SCAMP1: variants seen among roughly 807,000 people sequenced by gnomAD.
SCAMP1 encodes the protein secretory carrier-associated membrane protein 1.
In SCAMP1, 15 loss-of-function variants were observed where a neutral mutation model predicts 41.8. That is an observed-to-expected ratio of 0.36 (90% CI 0.24 to 0.55). SCAMP1 has a LOEUF of 0.55. Ranked by LOEUF, SCAMP1 falls within the 20% of genes least tolerant of loss-of-function variation. The pLI is 0.86. For synonymous variants in SCAMP1, 135 were observed against 136.8 expected, an observed-to-expected ratio of 0.99 and a Z score of 0.09; for missense variants, 341 against 412.6, an observed-to-expected ratio of 0.83 and a Z score of 1.50.
chr5:78,453,140 G>C (rs1753285782), intron 7 of SCAMP1, among the ~76,000 whole-genome samples: 1 of 151,154 alleles, frequency 6.6e-6, no homozygotes, highest in South Asian at 2.1e-4. Context: ...TAGGTTGCCT[G>C]TTCACTGTGA....
intron 6 of SCAMP1, among the ~76,000 whole-genome samples, chr5:78,427,092 G>C (rs1752487576): frequency 6.6e-6 from 1 of 152,166 alleles, no homozygotes; most frequent in African/African-American, 2.4e-5. Flanking sequence ...AAAGAAAAGA[G>C]ATTTATTTGG....
rs762952835 is a variant in SCAMP1 at position 78,459,339 on chromosome 5, A to G, written c.829A>G (p.Ile277Val). ...IAALFTASAV[I>V]SLVMFKKVHG... is the part of the protein sequence containing the mutation. ...AGCACTTTTCACAGCATCAGCAGTC[A>G]TCTCACTAGTTATGTTCAAAAAAGT... Residue 277 changes from isoleucine (I) to valine (V), a missense_variant, in exon 8 of 9, where the codon ATC becomes GTC. Coordinates refer to ENST00000621999, the MANE Select transcript of SCAMP1 (RefSeq NM_004866.6). 5 of 1,568,388 alleles carry G rather than the reference A, an allele frequency of 3.2e-6. No individual in the cohort carries two copies. The highest frequency in any genetic ancestry group is 2.2e-5 in the East Asian group (1 of 44,552).
At chr5:78,447,354 T>G (rs945628376) in intron 6 of SCAMP1, among the ~76,000 whole-genome samples, 1 of 118,096 alleles carries the variant, frequency 8.5e-6, no homozygotes, top group Non-Finnish European at 2.0e-5. Flanking sequence ...CCACCTAATT[T>G]GAAGACTTAC....
At chr5:78,418,752 CT>C (rs1449006905) in intron 4 of SCAMP1, 22 bp from the exon 5 acceptor site, 1 of 1,407,078 alleles carries the variant, frequency 7.1e-7, no homozygotes, top group East Asian at 2.5e-5. Context: ...ATAACCTTTT[CT>C]TTTTCTAAAA....
intron 6 of SCAMP1, among the ~76,000 whole-genome samples, chr5:78,423,733 T>C (rs1752397574): frequency 6.6e-6 from 1 of 152,190 alleles, no homozygotes; most frequent in Non-Finnish European, 1.5e-5. Context: ...ACATTTTTAC[T>C]TGTGGCATTA....
At position 78,469,890 on chromosome 5, in the gene SCAMP1, T is replaced by TAAAAAAAAA. The variant is rs141989832; in HGVS notation, c.853-5600_853-5592dup. Among the ~76,000 whole-genome samples, 12 of 15,022 alleles carry TAAAAAAAAA rather than the reference T, an allele frequency of 8.0e-4. 3 individuals carry two copies. The highest frequency in any genetic ancestry group is 0.056 in the Middle Eastern group (1 of 18). 9.9% of individuals were successfully genotyped at this position (15,022 alleles called of 152,430 possible). A position where few individuals can be genotyped will look rare whatever the true frequency, so the allele number is the denominator to read the frequency against. ...TACCCTCCAACCCCTTACAAGACAT[T>TAAAAAAAAA]AAAAAAAAAAAAAAAAAAAAAACAA... is the stretch of plus-strand genomic sequence containing the variant. On this transcript the variant is annotated intron_variant, in intron 8 of 8. Coordinates refer to ENST00000621999, the MANE Select transcript of SCAMP1 (RefSeq NM_004866.6).
intron 7 of SCAMP1, among the ~76,000 whole-genome samples, chr5:78,455,757 T>C (rs1444067956): frequency 3.6e-5 from 5 of 138,750 alleles, no homozygotes; most frequent in African/African-American, 1.4e-4. Flanking sequence ...TTCTGTCTTG[T>C]TGATCTGTCT....
chr5:78,391,771 G>T (rs989223488), intron 2 of SCAMP1, among the ~76,000 whole-genome samples: 1 of 152,230 alleles, frequency 6.6e-6, no homozygotes, highest in African/African-American at 2.4e-5. Context: ...TCAGAAGGCC[G>T]AGGCTGGCGG....
chr5:78,426,033 G>A (rs1032963116), intron 6 of SCAMP1, among the ~76,000 whole-genome samples: 17 of 151,638 alleles, frequency 1.1e-4, no homozygotes, highest in African/African-American at 3.9e-4. Flanking sequence ...CTTAGAGTGA[G>A]AACATGAGGT....
intron 8 of SCAMP1, among the ~76,000 whole-genome samples, chr5:78,459,722 T>C (rs1484012551): frequency 6.6e-6 from 1 of 152,204 alleles, no homozygotes; most frequent in Non-Finnish European, 1.5e-5. Flanking sequence ...TTATGTGATA[T>C]GTACATTTTA....
rs151245762 is a variant in SCAMP1 at position 78,377,811 on chromosome 5, C to G, written c.58-11026C>G. On this transcript the variant is annotated intron_variant, in intron 1 of 8. Transcript: ENST00000621999. ...TTTGAGTCTTTCCCATGTGTGGAAA[C>G]TATATTAAGCACTTTACATGTAGTA... Among the ~76,000 whole-genome samples, 614 of 152,208 alleles carry G rather than the reference C, an allele frequency of 4.0e-3. 5 individuals carry two copies. The highest frequency in any genetic ancestry group is 0.013 in the African/African-American group (558 of 41,504).
chr5:78,371,038 T>A (rs190122295), intron 1 of SCAMP1, among the ~76,000 whole-genome samples: 2 of 152,306 alleles, frequency 1.3e-5, no homozygotes, highest in Admixed American at 1.3e-4. Context: ...ATTATTGAGT[T>A]ATAAGAGTTT....
intron 2 of SCAMP1, among the ~76,000 whole-genome samples, chr5:78,396,615 A>G (rs1049431857): frequency 3.3e-5 from 5 of 152,202 alleles, no homozygotes; most frequent in African/African-American, 1.2e-4. Context: ...CTTAGATGGT[A>G]TTTAAAGGTA....
intron 6 of SCAMP1, among the ~76,000 whole-genome samples, chr5:78,424,418 T>G (rs374477842): frequency 1.3e-5 from 2 of 152,150 alleles, no homozygotes; most frequent in African/African-American, 4.8e-5. Flanking sequence ...CATTTTGTTA[T>G]TTATGTAGTT....
rs369108642 is a variant in SCAMP1, at chr5:78,479,919, G to A, written c.*4251G>A. On this transcript the variant is annotated 3_prime_UTR_variant, in exon 9 of 9. Coordinates refer to ENST00000621999, the MANE Select transcript of SCAMP1 (RefSeq NM_004866.6). ...AAATTAGCTGAGCATGGTGGCGGGC[G>A]CCTGTAGTCCCAGCTACTTGGGAGG... 1.0e-3 allele frequency among the ~76,000 whole-genome samples: 152 copies of A among 152,172 alleles called. No individual in the cohort carries two copies. The highest frequency in any genetic ancestry group is 3.3e-3 in the African/African-American group (135 of 41,530).
chr5:78,431,761 G>C (rs1345463201), intron 6 of SCAMP1, among the ~76,000 whole-genome samples: 2 of 151,394 alleles, frequency 1.3e-5, no homozygotes, highest in African/African-American at 4.9e-5. Context: ...CCTTTATACA[G>C]TTTTAAAATG....
At chr5:78,465,499 G>A (rs894023034) in intron 8 of SCAMP1, among the ~76,000 whole-genome samples, 1 of 152,192 alleles carries the variant, frequency 6.6e-6, no homozygotes, top group Non-Finnish European at 1.5e-5. Flanking sequence ...GCATGTGATA[G>A]GCACTCAGAT....
chr5:78,374,792 A>G (rs1020817949), intron 1 of SCAMP1, among the ~76,000 whole-genome samples: 1 of 152,114 alleles, frequency 6.6e-6, no homozygotes, highest in African/African-American at 2.4e-5. Flanking sequence ...GGGTCTATAA[A>G]CATAAGTGAG....
At position 78,415,599 on chromosome 5, in the gene SCAMP1, C is replaced by G; in HGVS notation, c.215C>G (p.Ala72Gly). ...AIMKPTEEHP[A>G]YTQIAKEHAL... ...ATGAAACCAACAGAGGAACATCCAGCTTATACACAGATTGCAAAGGTTAGT... is the reference window on the plus strand; with the variant it reads ...ATGAAACCAACAGAGGAACATCCAGGTTATACACAGATTGCAAAGGTTAGT... Residue 72 changes from alanine (A) to glycine (G), a missense_variant, in exon 3 of 9, where the codon GCT becomes GGT. Physicochemically the swap from Ala to Gly is moderately conservative, Grantham distance 60. Transcript: ENST00000621999. 1 of 1,599,536 alleles carries G rather than the reference C, an allele frequency of 6.3e-7. No homozygotes were observed. The highest frequency in any genetic ancestry group is 8.5e-7 in the Non-Finnish European group (1 of 1,171,446).
Sources: gnomAD v4.1 joint callset for allele counts (sites outside exome capture counted in the v4.1 genomes callset) on GRCh38, gnomAD v4.1.1 for gene constraint, MANE v1.5 for transcripts, NCBI Gene and HGNC (gene_info 2026-07-23, HGNC 2026-07-21) for gene names.